ZNF691: variants seen among roughly 807,000 people sequenced by gnomAD.
The protein encoded by ZNF691 is zinc finger protein 691.
A neutral mutation model predicts 24.1 loss-of-function variants in ZNF691; 11 were observed. The observed-to-expected ratio is 0.46, with a 90% CI of 0.29 to 0.75. The LOEUF (loss-of-function observed/expected upper bound fraction) is 0.75. ZNF691 is among the 30% of genes least tolerant of loss of function. ZNF691 has a pLI of 0.11. For synonymous variants in ZNF691, 149 were observed against 153.9 expected, an observed-to-expected ratio of 0.97 and a Z score of 0.23; for missense variants, 356 against 409.0, an observed-to-expected ratio of 0.87 and a Z score of 1.12.
intron 3 of ZNF691, chr1:42,850,743 G>C: frequency 6.4e-7 from 1 of 1,550,586 alleles, no homozygotes; most frequent in Non-Finnish European, 8.7e-7. Context: ...TTTTTGCTCT[G>C]GTGGGTAGCT....
intron 1 of ZNF691, among the ~76,000 whole-genome samples, chr1:42,848,669 TA>T (rs1018657125): frequency 6.0e-4 from 88 of 147,046 alleles, no homozygotes; most frequent in African/African-American, 1.9e-3. Context: ...ATTGGTAAAT[TA>T]AAAAAAAAAC....
chr1:42,849,283 C>T lies in ZNF691; in HGVS notation c.-217-8C>T. 2.4e-6 allele frequency: 1 copy of T among 421,530 alleles called. No individual in the cohort carries two copies. The highest frequency in any genetic ancestry group is 4.6e-6 in the Non-Finnish European group (1 of 216,874). The allele number at this position is 421,530 out of a possible 1,614,324, so 26.1% of individuals were successfully genotyped here. ...ATTTAAAAGATCTTTTTCTTGTATTCTTCACAGGGCCTGGACGTAGTGTCT... is the reference window on the plus strand; with the variant it reads ...ATTTAAAAGATCTTTTTCTTGTATTTTTCACAGGGCCTGGACGTAGTGTCT... On this transcript the variant is annotated splice_polypyrimidine_tract_variant and splice_region_variant and intron_variant, in intron 1 of 3. Coordinates refer to ENST00000651192, the MANE Select transcript of ZNF691 (RefSeq NM_001242739.2).
chr1:42,851,640 G>A lies in ZNF691; in HGVS notation c.775G>A (p.Glu259Lys). The change falls in exon 4 of 4, where the codon GAG becomes AAG. Residue 259 changes from glutamate to lysine, a missense_variant. Coordinates refer to ENST00000651192, the MANE Select transcript of ZNF691 (RefSeq NM_001242739.2). This position sits in a 1 kb window ranked among gnomAD's most constrained non-coding sequence, Gnocchi z 4.7. ...HTGERPYECT[E>K]CGRTFSDISN... is the part of the protein sequence containing the mutation. ...AGGTGAGAGACCTTATGAGTGCACT[G>A]AGTGTGGGCGGACCTTCAGCGATAT... is the stretch of plus-strand genomic sequence containing the variant. 1 of 1,613,880 alleles carries A rather than the reference G, an allele frequency of 6.2e-7. No individual in the cohort carries two copies. The highest frequency in any genetic ancestry group is 8.5e-7 in the Non-Finnish European group (1 of 1,179,968).
intron 1 of ZNF691, among the ~76,000 whole-genome samples, chr1:42,847,970 G>C (rs1441482972): frequency 6.6e-6 from 1 of 152,246 alleles, no homozygotes; most frequent in Non-Finnish European, 1.5e-5. Flanking sequence ...GTTAGACACT[G>C]AGGAGTGGGT....
chr1:42,848,341 A>G (rs1026868364), intron 1 of ZNF691, among the ~76,000 whole-genome samples: 1 of 152,204 alleles, frequency 6.6e-6, no homozygotes, highest in Admixed American at 6.5e-5. Flanking sequence ...AAGACATTTG[A>G]GCACCCAGCT....
Position 42,851,196 on chromosome 1 carries a change from G to C in ZNF691, c.331G>C (p.Asp111His), listed in dbSNP as rs1459960126. The change falls in exon 4 of 4, where the codon GAT becomes CAT. Residue 111 changes from aspartate (D) to histidine (H), a missense_variant. Asp to His is a moderately conservative substitution (Grantham distance 81). Coordinates refer to ENST00000651192, the MANE Select transcript of ZNF691 (RefSeq NM_001242739.2). The surrounding 1 kb of genome is among the most constrained non-coding windows in gnomAD (Gnocchi z 4.7). ...DPIAHPRHEA[D>H]EKPFICAQCG... Reference sequence around the variant, plus strand: ...CATTGCTCATCCAAGGCATGAGGCAGATGAGAAGCCCTTTATATGTGCCCA... The same window carrying C: ...CATTGCTCATCCAAGGCATGAGGCACATGAGAAGCCCTTTATATGTGCCCA... 3.1e-6 allele frequency: 5 copies of C among 1,614,122 alleles called. No homozygotes were observed. The Admixed American group carries it at 8.3e-5, about 27-fold the overall frequency.
At chr1:42,850,065 G>C (rs1190335373) in intron 3 of ZNF691, among the ~76,000 whole-genome samples, 1 of 151,966 alleles carries the variant, frequency 6.6e-6, no homozygotes, top group Non-Finnish European at 1.5e-5. Context: ...TATGTGTGTG[G>C]TGTGATAATG....
rs547834511 is a variant in ZNF691 at position 42,851,745 on chromosome 1, C to T, written c.880C>T (p.Arg294Trp). ...RCTVCGKHFS[R>W]SSNLIRHQKT... ...CACTGTGTGTGGGAAACACTTCTCC[C>T]GGAGCTCGAATCTCATCCGCCACCA... is the stretch of plus-strand genomic sequence containing the variant. The change falls in exon 4 of 4, where the codon CGG (arginine) becomes TGG (tryptophan). Residue 294 changes from arginine to tryptophan, a missense_variant. Arg to Trp is a moderately radical substitution (Grantham distance 101). Coordinates refer to ENST00000651192, the MANE Select transcript of ZNF691 (RefSeq NM_001242739.2). The surrounding 1 kb of genome is among the most constrained non-coding windows in gnomAD (Gnocchi z 4.7). 2.8e-5 allele frequency: 46 copies of T among 1,614,226 alleles called. No individual in the cohort carries two copies. Among genetic ancestry groups the T allele is most frequent in the Non-Finnish European group, 3.1e-5 (36 of 1,180,034 alleles).
Position 42,851,964 on chromosome 1 carries a change from A to G in ZNF691, c.*151A>G. ...GTATAGCCTCTGAAGTCAGGATCTC[A>G]GGAAGTCCTGAGGAGGGACTCTGGA... On this transcript the variant is annotated 3_prime_UTR_variant, in exon 4 of 4. Transcript: ENST00000651192. This position sits in a 1 kb window ranked among gnomAD's most constrained non-coding sequence, Gnocchi z 4.7. 1 of 1,235,042 alleles carries G rather than the reference A, an allele frequency of 8.1e-7. No individual in the cohort carries two copies. The highest frequency in any genetic ancestry group is 1.2e-6 in the Non-Finnish European group (1 of 858,904). The allele number at this position is 1,235,042 out of a possible 1,614,324, so 76.5% of individuals were successfully genotyped here. A position where few individuals can be genotyped will look rare whatever the true frequency, so the allele number is the denominator to read the frequency against.
At position 42,849,638 on chromosome 1, in the gene ZNF691, C is replaced by G. The variant is rs1314606514; in HGVS notation, c.-21C>G. ...CAGTGTCCTATGATAGTTTGTGCTT[C>G]CCTCCCTCATCCCTTTGTTCATGTC... On this transcript the variant is annotated 5_prime_UTR_variant, in exon 3 of 4. Transcript: ENST00000651192. The G allele has an allele frequency of 5.9e-6, 9 of 1,531,268 alleles. No individual in the cohort carries two copies. The highest frequency in any genetic ancestry group is 1.8e-6 in the Non-Finnish European group (2 of 1,129,196). The allele number at this position is 1,531,268 out of a possible 1,614,324, so 94.9% of individuals were successfully genotyped here.
chr1:42,848,562 C>G (rs1415008743), intron 1 of ZNF691, among the ~76,000 whole-genome samples: 1 of 152,040 alleles, frequency 6.6e-6, no homozygotes, highest in Non-Finnish European at 1.5e-5. Flanking sequence ...ACTTGTGTCC[C>G]ATGAAGACAG....
chr1:42,849,664 A>C lies in ZNF691; in HGVS notation c.6A>C (p.Ser2=). 1 of 1,550,360 alleles carries C rather than the reference A, an allele frequency of 6.5e-7. No homozygotes were observed. The part of the protein sequence containing the change: M[S]LCSPTHSAEM... Reference sequence around the variant, plus strand: ...CCTCCCTCATCCCTTTGTTCATGTCACTCTGTTCACCAACCCACTCTGCTG... The same window carrying C: ...CCTCCCTCATCCCTTTGTTCATGTCCCTCTGTTCACCAACCCACTCTGCTG... The change falls in exon 3 of 4, where the codon TCA becomes TCC. Residue 2 remains serine, a synonymous_variant. Coordinates refer to ENST00000651192, the MANE Select transcript of ZNF691 (RefSeq NM_001242739.2).
At position 42,849,315 on chromosome 1, in the gene ZNF691, G is replaced by A. The variant is rs1287148767; in HGVS notation, c.-193G>A. 2.0e-6 allele frequency: 1 copy of A among 493,770 alleles called. No homozygotes were observed. The highest frequency in any genetic ancestry group is 2.3e-5 in the Admixed American group (1 of 43,414). The allele number at this position is 493,770 out of a possible 1,614,324, so 30.6% of individuals were successfully genotyped here. A position where few individuals can be genotyped will look rare whatever the true frequency, so the allele number is the denominator to read the frequency against. On this transcript the variant is annotated 5_prime_UTR_variant, in exon 2 of 4. Transcript: ENST00000651192. ...GGGCCTGGACGTAGTGTCTTCAACA[G>A]TTGTAACAGCAGCTGCCATTTGCTG... is the stretch of plus-strand genomic sequence containing the variant.
intron 1 of ZNF691, among the ~76,000 whole-genome samples, chr1:42,848,683 A>G (rs770532701): frequency 1.3e-5 from 2 of 152,150 alleles, no homozygotes; most frequent in Non-Finnish European, 2.9e-5. Flanking sequence ...AAAAAAACAA[A>G]AAAACAACAA....
intron 3 of ZNF691, chr1:42,850,615 C>T: frequency 6.5e-7 from 1 of 1,531,690 alleles, no homozygotes. Context: ...AATGAAAGCT[C>T]TTTTACTTGC....
Position 42,849,697 on chromosome 1 carries a change from G to T in ZNF691, c.39G>T (p.Ser13=), listed in dbSNP as rs145787587. ...LCSPTHSAEM[S]LFLQGPEEML... Reference sequence around the variant, plus strand: ...CACCAACCCACTCTGCTGAAATGTCGTTATTTCTTCAAGGCCCGGAGGAAA... The same window carrying T: ...CACCAACCCACTCTGCTGAAATGTCTTTATTTCTTCAAGGCCCGGAGGAAA... Residue 13 remains serine, a synonymous_variant, in exon 3 of 4, where the codon TCG becomes TCT. Transcript: ENST00000651192. 6.4e-7 allele frequency: 1 copy of T among 1,551,010 alleles called. No homozygotes were observed. The highest frequency in any genetic ancestry group is 8.7e-7 in the Non-Finnish European group (1 of 1,147,110).
In ZNF691 at chr1:42,851,462, C is replaced by T. The variant is rs1451436968; in HGVS notation, c.597C>T (p.Tyr199=). 1 of 1,614,236 alleles carries T rather than the reference C, an allele frequency of 6.2e-7. No homozygotes were observed. The highest frequency in any genetic ancestry group is 8.5e-7 in the Non-Finnish European group (1 of 1,180,048). ...AAGATCACCTAGGCAAGCGGCCATACCGCTGTGACATCTGTGGCAAGAGCT... is the reference window on the plus strand; with the variant it reads ...AAGATCACCTAGGCAAGCGGCCATATCGCTGTGACATCTGTGGCAAGAGCT... ...HQQDHLGKRP[Y]RCDICGKSFS... is the part of the protein sequence containing the mutation. The change falls in exon 4 of 4, where the codon TAC becomes TAT. Residue 199 remains tyrosine, a synonymous_variant. Transcript: ENST00000651192. The surrounding 1 kb of genome is among the most constrained non-coding windows in gnomAD (Gnocchi z 4.7).
chr1:42,847,942 TA>T (rs1469177838), intron 1 of ZNF691, among the ~76,000 whole-genome samples: 2 of 152,228 alleles, frequency 1.3e-5, no homozygotes, highest in Non-Finnish European at 2.9e-5. Flanking sequence ...AAAATGTTAA[TA>T]ATGTGCCAGG....
chr1:42,850,898 A>G, intron 3 of ZNF691, 52 bp from the exon 4 acceptor site: 1 of 1,547,042 alleles, frequency 6.5e-7, no homozygotes. Context: ...ATTCCCTGTG[A>G]TCTGGCCCAA....
Sources: gnomAD v4.1 joint callset for allele counts (sites outside exome capture counted in the v4.1 genomes callset) on GRCh38, gnomAD v4.1.1 for gene constraint, Gnocchi (gnomAD v3.1) non-coding constraint, MANE v1.5 for transcripts, NCBI Gene and HGNC (gene_info 2026-07-23, HGNC 2026-07-21) for gene names.